The following ACOXL variants were observed in gnomAD, a reference collection of about 807,000 sequenced individuals.
The protein encoded by ACOXL is acyl-coenzyme A oxidase-like protein.
A neutral mutation model predicts 71.9 loss-of-function variants in ACOXL; 70 were observed. The ratio of observed to expected loss-of-function variants is 0.97; its 90% CI spans 0.80 to 1.19. The LOEUF is 1.19. Ranked by LOEUF, ACOXL falls within the 50% of genes most tolerant of loss-of-function variation. The pLI, the probability that ACOXL is intolerant of heterozygous loss-of-function variation, is 0.00. For synonymous variants in ACOXL, 253 were observed against 281.6 expected (o/e 0.90, Z 1.02); for missense variants, 703 against 736.3 (o/e 0.95, Z 0.52).
At chr2:111,072,982 G>A (rs763670173) in intron 16 of ACOXL, among the ~76,000 whole-genome samples, 2 of 152,128 alleles carry the variant, frequency 1.3e-5, no homozygotes, top group African/African-American at 2.4e-5. Context: ...TCTTACTGTG[G>A]TTTTAGTTTG....
intron 9 of ACOXL, among the ~76,000 whole-genome samples, chr2:110,813,597 G>T (rs1239596783): frequency 1.3e-5 from 2 of 152,158 alleles, no homozygotes; most frequent in African/African-American, 4.8e-5. Context: ...ATTGACAACT[G>T]GCCTGCTGTC....
chr2:110,957,963 G>A (rs913719868), intron 12 of ACOXL, among the ~76,000 whole-genome samples: 2 of 151,128 alleles, frequency 1.3e-5, no homozygotes, highest in African/African-American at 4.9e-5. Flanking sequence ...GGAGGCTGAG[G>A]CAGGAGAACC....
intron 10 of ACOXL, among the ~76,000 whole-genome samples, chr2:110,877,386 C>T (rs62159473): frequency 6.6e-6 from 1 of 152,188 alleles, no homozygotes; most frequent in East Asian, 1.9e-4. Flanking sequence ...GCTTCTGCTG[C>T]GGCCCGTGTG....
intron 8 of ACOXL, among the ~76,000 whole-genome samples, chr2:110,804,107 C>G (rs1686334094): frequency 6.6e-6 from 1 of 151,854 alleles, no homozygotes; most frequent in Middle Eastern, 3.2e-3. Flanking sequence ...TTGCCTCAAC[C>G]TCCTGAGTAC....
At chr2:110,878,787 C>T (rs1294120944) in intron 10 of ACOXL, among the ~76,000 whole-genome samples, 3 of 150,620 alleles carry the variant, frequency 2.0e-5, no homozygotes, top group East Asian at 3.9e-4. Context: ...CAGGCTGGCA[C>T]GGTGGCTCAC....
chr2:110,867,173 G>C (rs76933750), intron 10 of ACOXL, among the ~76,000 whole-genome samples: 2,248 of 152,232 alleles, frequency 0.015, 60 homozygotes, highest in African/African-American at 0.052. Context: ...GTGGGGATCC[G>C]GGGGATGAGG....
chr2:110,747,230 G>A (rs192490458), intron 1 of ACOXL, among the ~76,000 whole-genome samples: 1 of 152,148 alleles, frequency 6.6e-6, no homozygotes, highest in East Asian at 1.9e-4. Flanking sequence ...CTGTTTTCTG[G>A]GTCTCTGAGT....
At chr2:110,918,007 T>C (rs1367442560) in intron 11 of ACOXL, among the ~76,000 whole-genome samples, 3 of 152,208 alleles carry the variant, frequency 2.0e-5, no homozygotes, top group African/African-American at 7.2e-5. Context: ...GATTCAATGC[T>C]ATCCCTATCA....
chr2:110,996,608 A>G (rs1406229488), intron 14 of ACOXL, among the ~76,000 whole-genome samples: 1 of 152,164 alleles, frequency 6.6e-6, no homozygotes, highest in Non-Finnish European at 1.5e-5. Flanking sequence ...TACTGCTCCT[A>G]TTCTATGTCC....
chr2:110,809,842 A>G (rs1687096943), intron 9 of ACOXL, among the ~76,000 whole-genome samples: 1 of 152,010 alleles, frequency 6.6e-6, no homozygotes, highest in African/African-American at 2.4e-5. Flanking sequence ...CCGCACATGG[A>G]GTGGTGGTGT....
chr2:110,965,018 C>T (rs369283190), intron 12 of ACOXL, among the ~76,000 whole-genome samples: 113 of 152,290 alleles, frequency 7.4e-4, no homozygotes, highest in African/African-American at 1.9e-3. Context: ...TATCATTCTA[C>T]GCTTTACTGC....
chr2:110,968,062 G>T, intron 12 of ACOXL: 1 of 1,166,636 alleles, frequency 8.6e-7, no homozygotes, highest in South Asian at 1.2e-5. Flanking sequence ...GATAGTCTGC[G>T]CAGCATACGC....
At chr2:111,083,967 AG>A (rs1199471481) in intron 16 of ACOXL, among the ~76,000 whole-genome samples, 1 of 152,132 alleles carries the variant, frequency 6.6e-6, no homozygotes, top group East Asian at 1.9e-4. Context: ...GAGACTTCAA[AG>A]GGGCACATGG....
intron 9 of ACOXL, among the ~76,000 whole-genome samples, chr2:110,823,213 A>G (rs1424668792): frequency 6.6e-6 from 1 of 151,232 alleles, no homozygotes; most frequent in Non-Finnish European, 1.5e-5. Context: ...AGATGGTGCC[A>G]TTGCACTCCA....
intron 1 of ACOXL, among the ~76,000 whole-genome samples, chr2:110,755,051 T>C (rs1679487199): frequency 6.6e-6 from 1 of 152,168 alleles, no homozygotes; most frequent in Non-Finnish European, 1.5e-5. Context: ...CTCTCTCTTT[T>C]AGCTTAGAGG....
chr2:110,775,227 A>G (rs1682490360), intron 2 of ACOXL, among the ~76,000 whole-genome samples: 1 of 152,258 alleles, frequency 6.6e-6, no homozygotes, highest in Non-Finnish European at 1.5e-5. Context: ...CAAAGAAAGC[A>G]TAAAGAAAGG....
intron 9 of ACOXL, among the ~76,000 whole-genome samples, chr2:110,833,349 A>G (rs891881006): frequency 1.3e-5 from 2 of 152,234 alleles, no homozygotes; most frequent in African/African-American, 4.8e-5. Context: ...TTACATTTAC[A>G]TAACATTCCT....
intron 9 of ACOXL, among the ~76,000 whole-genome samples, chr2:110,830,240 A>T (rs1689655087): frequency 6.6e-6 from 1 of 152,306 alleles, no homozygotes; most frequent in Non-Finnish European, 1.5e-5. Context: ...TTTCCACCTT[A>T]TCTTCTCCTG....
At chr2:110,747,603 G>A (rs1463837543) in intron 1 of ACOXL, among the ~76,000 whole-genome samples, 1 of 152,212 alleles carries the variant, frequency 6.6e-6, no homozygotes, top group African/African-American at 2.4e-5. Flanking sequence ...TTTCCTGGAG[G>A]TTGGGACCCT....
Sources: allele counts gnomAD v4.1 joint callset (sites outside exome capture counted in the v4.1 genomes callset), GRCh38; gene constraint gnomAD v4.1.1; transcripts MANE v1.5; gene names NCBI Gene and HGNC (gene_info 2026-07-23, HGNC 2026-07-21).